PRKCA: variants seen among roughly 807,000 people sequenced by gnomAD.
The protein encoded by PRKCA is protein kinase C alpha type.
A neutral mutation model predicts 87.0 loss-of-function variants in PRKCA; 27 were observed. The observed-to-expected ratio is 0.31, with a 90% confidence interval of 0.23 to 0.43. PRKCA has a LOEUF of 0.43. PRKCA is among the 20% of genes least tolerant of loss of function. The probability of loss-of-function intolerance (pLI) is 1.00; values close to 1 mark genes in which losing one functional copy is unlikely to be tolerated. For missense variants in PRKCA, 518 were observed against 852.3 expected (o/e 0.61, Z 4.88); for synonymous variants, 329 against 311.1 (o/e 1.06, Z -0.61).
intron 3 of PRKCA, among the ~76,000 whole-genome samples, chr17:66,520,538 C>T (rs2058067758): frequency 6.6e-6 from 1 of 152,214 alleles, no homozygotes; most frequent in Non-Finnish European, 1.5e-5. Context: ...GCTGGGATTA[C>T]AGGTGTGAGC....
chr17:66,656,263 T>G (rs552941299), intron 5 of PRKCA, among the ~76,000 whole-genome samples: 58 of 152,312 alleles, frequency 3.8e-4, no homozygotes, highest in African/African-American at 1.3e-3. Flanking sequence ...CCAGATTCTT[T>G]ATAGGGTCAT....
At chr17:66,370,541 TTTC>T (rs1164268900) in intron 2 of PRKCA, among the ~76,000 whole-genome samples, 2 of 149,482 alleles carry the variant, frequency 1.3e-5, no homozygotes, top group African/African-American at 5.0e-5. Flanking sequence ...TTTTTTTTCT[TTTC>T]TTTTCTTTTT....
intron 2 of PRKCA, among the ~76,000 whole-genome samples, chr17:66,347,941 C>T (rs1426781526): frequency 5.3e-5 from 3 of 56,450 alleles, no homozygotes; most frequent in Non-Finnish European, 6.6e-5. Flanking sequence ...AATTCTGAAC[C>T]TTTTTTTTTT....
intron 2 of PRKCA, among the ~76,000 whole-genome samples, chr17:66,428,099 A>G (rs1912909163): frequency 6.6e-6 from 1 of 152,124 alleles, no homozygotes. Context: ...CTCATCGTAA[A>G]TGGTGCTTTT....
intron 3 of PRKCA, among the ~76,000 whole-genome samples, chr17:66,515,216 G>C (rs1004199689): frequency 2.1e-5 from 3 of 145,042 alleles, no homozygotes; most frequent in African/African-American, 7.7e-5. Context: ...AGGTTGCAGT[G>C]AGCCAAGATT....
intron 8 of PRKCA, among the ~76,000 whole-genome samples, chr17:66,698,175 TG>T: frequency 6.6e-6 from 1 of 152,238 alleles, no homozygotes; most frequent in East Asian, 1.9e-4. Context: ...AGACAGCATT[TG>T]AAGCAACAAG....
chr17:66,420,002 CTTTTTT>C (rs558522698), intron 2 of PRKCA, among the ~76,000 whole-genome samples: 1 of 113,716 alleles, frequency 8.8e-6, no homozygotes, highest in East Asian at 2.5e-4. Context: ...GGGTTGTGTT[CTTTTTT>C]TTTTTTTTTT....
At chr17:66,634,948 G>T (rs966818940) in intron 3 of PRKCA, among the ~76,000 whole-genome samples, 2 of 152,176 alleles carry the variant, frequency 1.3e-5, no homozygotes, top group African/African-American at 2.4e-5. Context: ...ATAAGTGGCA[G>T]AATATGTTAA....
At chr17:66,770,654 G>A (rs1033103842) in intron 13 of PRKCA, among the ~76,000 whole-genome samples, 1 of 152,206 alleles carries the variant, frequency 6.6e-6, no homozygotes, top group African/African-American at 2.4e-5. Flanking sequence ...GTAGAAGTAC[G>A]TGTCTAAATG....
intron 3 of PRKCA, among the ~76,000 whole-genome samples, chr17:66,584,091 C>G (rs774104629): frequency 6.6e-6 from 1 of 152,138 alleles, no homozygotes; most frequent in African/African-American, 2.4e-5. Context: ...TTCCTTCCCC[C>G]ACGTCGTCCT....
At chr17:66,773,426 T>TA (rs1384324765) in intron 13 of PRKCA, among the ~76,000 whole-genome samples, 4 of 151,930 alleles carry the variant, frequency 2.6e-5, no homozygotes, top group Non-Finnish European at 5.9e-5. Context: ...ATACTCTTAG[T>TA]AAAGCCCTGT....
chr17:66,522,206 G>T (rs73996243), intron 3 of PRKCA, among the ~76,000 whole-genome samples: 6,547 of 152,286 alleles, frequency 0.043, 440 homozygotes, highest in African/African-American at 0.15. Context: ...TGCCCCTGGG[G>T]AGAGCTGGTG....
intron 2 of PRKCA, among the ~76,000 whole-genome samples, chr17:66,374,162 G>A (rs1909276837): frequency 6.6e-6 from 1 of 152,120 alleles, no homozygotes; most frequent in East Asian, 1.9e-4. Flanking sequence ...TCTGCATCCA[G>A]GGCTCCTTCC....
In PRKCA at chr17:66,357,255, G is replaced by C. The variant is rs925913355; in HGVS notation, c.205+51128G>C. 6.6e-5 allele frequency among the ~76,000 whole-genome samples: 10 copies of C among 152,294 alleles called. No individual in the cohort carries two copies. In the South Asian group the frequency reaches 2.1e-3, roughly 32 times the overall value. Reference sequence around the variant, plus strand: ...AGAGAGGGTGCTGAAGCTGGGTGGTGGGGGAGGGCACTAGAGGCAGCTGTG... The same window carrying C: ...AGAGAGGGTGCTGAAGCTGGGTGGTCGGGGAGGGCACTAGAGGCAGCTGTG... On this transcript the variant is annotated intron_variant, in intron 2 of 16. Transcript: ENST00000413366.
rs150310038 is a variant in PRKCA, at chr17:66,800,333, C to A, written c.1855-3540C>A. ...ACTCAGTGTGACTGCAGGGCAGCAA[C>A]TGGGTTGATCTAGGCTCCACAACTT... On this transcript the variant is annotated intron_variant, in intron 16 of 16. Coordinates refer to ENST00000413366, the MANE Select transcript of PRKCA (RefSeq NM_002737.3). 1.1e-3 allele frequency among the ~76,000 whole-genome samples: 170 copies of A among 152,344 alleles called. 1 individual carries two copies. Among genetic ancestry groups the A allele is most frequent in the African/African-American group, 3.8e-3 (159 of 41,576 alleles).
intron 2 of PRKCA, among the ~76,000 whole-genome samples, chr17:66,485,686 T>C (rs6504436): frequency 0.36 from 54,750 of 151,834 alleles, 10,101 homozygotes; most frequent in Middle Eastern, 0.49. Context: ...CAGACCTACA[T>C]GCTTATAGAT....
chr17:66,477,037 A>T (rs536117383), intron 2 of PRKCA, among the ~76,000 whole-genome samples: 5 of 152,278 alleles, frequency 3.3e-5, no homozygotes, highest in South Asian at 2.1e-4. Flanking sequence ...ATGCAGCTGG[A>T]GAATAGGGGT....
intron 3 of PRKCA, among the ~76,000 whole-genome samples, chr17:66,602,276 C>T (rs1970063744): frequency 9.1e-6 from 1 of 110,134 alleles, no homozygotes; most frequent in Non-Finnish European, 1.8e-5. Context: ...TCGTGGTGCG[C>T]CGTTTCTTAA....
intron 3 of PRKCA, among the ~76,000 whole-genome samples, chr17:66,556,858 T>C (rs761393466): frequency 1.3e-5 from 2 of 152,126 alleles, no homozygotes; most frequent in African/African-American, 4.8e-5. Context: ...CCTTATAAAT[T>C]ACCCCATCTC....
Sources: gnomAD v4.1 joint callset for allele counts (sites outside exome capture counted in the v4.1 genomes callset) on GRCh38, gnomAD v4.1.1 for gene constraint, MANE v1.5 for transcripts, NCBI Gene and HGNC (gene_info 2026-07-23, HGNC 2026-07-21) for gene names.